WWOX: variants seen among roughly 807,000 people sequenced by gnomAD.
WWOX encodes the protein WW domain containing oxidoreductase, also known as WW domain-containing oxidoreductase.
WWOX carries 69 observed loss-of-function variants against 46.2 expected under a neutral mutation model. The ratio of observed to expected loss-of-function variants is 1.49; its 90% CI spans 1.23 to 1.82. WWOX has a LOEUF of 1.82. Among genes scored for constraint, WWOX ranks in the 40% most tolerant of loss-of-function variants. WWOX has a pLI of 0.00. For synonymous variants in WWOX, 359 were observed against 202.6 expected, an observed-to-expected ratio of 1.77 and a Z score of -6.56; for missense variants, 919 against 542.6, an observed-to-expected ratio of 1.69 and a Z score of -6.89.
At chr16:79,020,002 G>A (rs1011649104) in intron 8 of WWOX, among the ~76,000 whole-genome samples, 1 of 152,182 alleles carries the variant, frequency 6.6e-6, no homozygotes, top group Non-Finnish European at 1.5e-5. Context: ...CCACTGTGGG[G>A]AAGAGCTCAT....
chr16:78,334,833 T>TAC (rs907694061), intron 5 of WWOX, among the ~76,000 whole-genome samples: 1,064 of 104,478 alleles, frequency 0.01, 9 homozygotes, highest in Middle Eastern at 0.022. Context: ...CACACACACA[T>TAC]ACACACACAC....
chr16:78,940,969 C>T (rs1236398783), intron 8 of WWOX, among the ~76,000 whole-genome samples: 1 of 151,108 alleles, frequency 6.6e-6, no homozygotes, highest in Non-Finnish European at 1.5e-5. Context: ...ACTCATATTT[C>T]ATAAGGGTCT....
chr16:78,457,931 A>G (rs1396169843), intron 8 of WWOX, among the ~76,000 whole-genome samples: 1 of 149,092 alleles, frequency 6.7e-6, no homozygotes, highest in Non-Finnish European at 1.5e-5. Flanking sequence ...AAAAAAAATT[A>G]GCTGGGCGTA....
chr16:79,031,926 A>C (rs1329536725), intron 8 of WWOX, among the ~76,000 whole-genome samples: 1 of 76,470 alleles, frequency 1.3e-5, no homozygotes, highest in East Asian at 5.2e-4. Flanking sequence ...CTATATATAT[A>C]GATATCTGTA....
At chr16:78,780,933 G>A (rs534966938) in intron 8 of WWOX, among the ~76,000 whole-genome samples, 1 of 152,328 alleles carries the variant, frequency 6.6e-6, no homozygotes, top group African/African-American at 2.4e-5. Flanking sequence ...GAGAGCAGCA[G>A]CAGAAGTGTG....
At chr16:79,007,811 G>C (rs1470636112) in intron 8 of WWOX, among the ~76,000 whole-genome samples, 1 of 152,204 alleles carries the variant, frequency 6.6e-6, no homozygotes, top group Non-Finnish European at 1.5e-5. Flanking sequence ...AATAATGGTA[G>C]AGAAAGTAAT....
At chr16:79,019,180 A>G (rs113128100) in intron 8 of WWOX, among the ~76,000 whole-genome samples, 2,954 of 31,878 alleles carry the variant, frequency 0.093, 396 homozygotes, top group African/African-American at 0.3. Flanking sequence ...AAAAAAAAAA[A>G]AAAAAGAAAA....
At chr16:78,221,720 T>A (rs1169645696) in intron 5 of WWOX, among the ~76,000 whole-genome samples, 1 of 152,210 alleles carries the variant, frequency 6.6e-6, no homozygotes, top group Non-Finnish European at 1.5e-5. Flanking sequence ...AATACACAGA[T>A]TGCCTTGGAG....
intron 8 of WWOX, among the ~76,000 whole-genome samples, chr16:79,094,158 T>C (rs772175606): frequency 2.0e-5 from 3 of 152,198 alleles, no homozygotes; most frequent in Non-Finnish European, 4.4e-5. Context: ...ACTGTGCATG[T>C]AGGGTTGCTT....
intron 8 of WWOX, among the ~76,000 whole-genome samples, chr16:78,728,019 A>G (rs935547171): frequency 1.3e-5 from 2 of 150,160 alleles, no homozygotes; most frequent in Admixed American, 6.6e-5. Flanking sequence ...AAGTGAACAT[A>G]GATAACTCCC....
chr16:78,966,130 T>C (rs940648461), intron 8 of WWOX, among the ~76,000 whole-genome samples: 2 of 152,258 alleles, frequency 1.3e-5, no homozygotes, highest in East Asian at 1.9e-4. Context: ...AACCTAGCTT[T>C]ACTTATCCAA....
chr16:78,720,426 C>T (rs1409427439), intron 8 of WWOX, among the ~76,000 whole-genome samples: 2 of 150,310 alleles, frequency 1.3e-5, no homozygotes, highest in East Asian at 1.9e-4. Flanking sequence ...ACTTATACAT[C>T]ATTTTATATT....
At chr16:78,845,183 TA>T (rs377162463) in intron 8 of WWOX, among the ~76,000 whole-genome samples, 154 of 141,766 alleles carry the variant, frequency 1.1e-3, no homozygotes, top group Admixed American at 1.4e-3. Flanking sequence ...GGACTGGTCT[TA>T]AAAAAAAAAA....
intron 8 of WWOX, among the ~76,000 whole-genome samples, chr16:78,513,435 A>G (rs528119175): frequency 8.5e-5 from 13 of 152,316 alleles, no homozygotes; most frequent in Admixed American, 3.9e-4. Flanking sequence ...AATCACTGGA[A>G]AATGACATTC....
intron 8 of WWOX, among the ~76,000 whole-genome samples, chr16:78,562,075 C>A (rs538159612): frequency 6.6e-6 from 1 of 152,266 alleles, no homozygotes; most frequent in East Asian, 1.9e-4. Flanking sequence ...GGGCACTCAA[C>A]AAACATCACT....
At chr16:78,528,589 G>A (rs1017480051) in intron 8 of WWOX, among the ~76,000 whole-genome samples, 6 of 152,140 alleles carry the variant, frequency 3.9e-5, no homozygotes, top group African/African-American at 9.7e-5. Flanking sequence ...CTAAGTCATC[G>A]TTATAATAAA....
At chr16:78,497,040 T>C (rs1401673009) in intron 8 of WWOX, among the ~76,000 whole-genome samples, 1 of 152,252 alleles carries the variant, frequency 6.6e-6, no homozygotes, top group Non-Finnish European at 1.5e-5. Context: ...GAAATTATTC[T>C]GCAGGGAGAT....
intron 5 of WWOX, among the ~76,000 whole-genome samples, chr16:78,247,012 C>G (rs1471981534): frequency 6.6e-6 from 1 of 152,104 alleles, no homozygotes. Flanking sequence ...TTATTTCACA[C>G]AAGAAAGAAT....
chr16:78,483,407 C>T (rs560172836), intron 8 of WWOX, among the ~76,000 whole-genome samples: 46 of 148,910 alleles, frequency 3.1e-4, no homozygotes, highest in African/African-American at 1.1e-3. Flanking sequence ...TTCTTTTTGC[C>T]GGCATCTGCG....
Sources: gnomAD v4.1 joint callset for allele counts (sites outside exome capture counted in the v4.1 genomes callset) on GRCh38, gnomAD v4.1.1 for gene constraint, MANE v1.5 for transcripts, NCBI Gene and HGNC (gene_info 2026-07-23, HGNC 2026-07-21) for gene names.